Variants in CEP350 observed in about 807,000 individuals in gnomAD.
CEP350 encodes the protein centrosomal protein 350, also known as centrosome-associated protein 350.
A neutral mutation model predicts 331.8 loss-of-function variants in CEP350; 126 were observed. The ratio of observed to expected loss-of-function variants is 0.38; its 90% CI spans 0.33 to 0.44. CEP350 has a LOEUF of 0.44. Ranked by LOEUF, CEP350 falls within the 20% of genes least tolerant of loss-of-function variation. CEP350 has a pLI of 1.00. For synonymous variants in CEP350, 1,200 were observed against 1,259.5 expected, an observed-to-expected ratio of 0.95 and a Z score of 1.00; for missense variants, 3,406 against 3,634.6, an observed-to-expected ratio of 0.94 and a Z score of 1.62.
At chr1:179,964,246 A>G (rs1270628944) in intron 1 of CEP350, among the ~76,000 whole-genome samples, 1 of 152,060 alleles carries the variant, frequency 6.6e-6, no homozygotes, top group African/African-American at 2.4e-5. Context: ...GAACAGAGAT[A>G]ATTTGAGTTT....
At chr1:179,991,314 CTTTTTTTTTT>C (rs748309168) in intron 4 of CEP350, among the ~76,000 whole-genome samples, 1 of 109,396 alleles carries the variant, frequency 9.1e-6, no homozygotes, top group Non-Finnish European at 1.9e-5. Context: ...TCTTTCTTTT[CTTTTTTTTTT>C]TTTTTTTTTT....
At chr1:179,964,112 C>T (rs1339851973) in intron 1 of CEP350, among the ~76,000 whole-genome samples, 1 of 151,908 alleles carries the variant, frequency 6.6e-6, no homozygotes, top group African/African-American at 2.4e-5. Flanking sequence ...TGATTTGGTT[C>T]TCAGCTTGAA....
intron 17 of CEP350, among the ~76,000 whole-genome samples, 188 bp downstream of exon 17, chr1:180,037,277 A>G (rs1178221105): frequency 1.3e-5 from 2 of 152,216 alleles, no homozygotes; most frequent in Admixed American, 1.3e-4. Context: ...GCAGCAGAAC[A>G]ATAATAAAAT....
intron 29 of CEP350, 97 bp from the exon 30 acceptor site, chr1:180,080,420 G>T: frequency 9.4e-7 from 1 of 1,063,348 alleles, no homozygotes; most frequent in East Asian, 2.6e-5. Flanking sequence ...TAAATTCTTT[G>T]TAAATGTTAT....
At chr1:179,968,688 T>C (rs1651203021) in intron 1 of CEP350, 2 of 530,484 alleles carry the variant, frequency 3.8e-6, no homozygotes, top group Admixed American at 4.1e-5. Flanking sequence ...GAGGCCTTGA[T>C]GTCCTTAAGT....
intron 21 of CEP350, among the ~76,000 whole-genome samples, chr1:180,047,285 G>A (rs1433568472): frequency 6.6e-6 from 1 of 152,144 alleles, no homozygotes; most frequent in Non-Finnish European, 1.5e-5. Context: ...AAGCTTGGGG[G>A]AATATACGTT....
intron 37 of CEP350, among the ~76,000 whole-genome samples, chr1:180,100,188 A>C (rs1363514133): frequency 6.6e-6 from 1 of 152,188 alleles, no homozygotes; most frequent in African/African-American, 2.4e-5. Context: ...TTTGATCCTC[A>C]CAATAATTAC....
At chr1:180,035,967 G>A (rs889327259) in intron 16 of CEP350, among the ~76,000 whole-genome samples, 3 of 152,208 alleles carry the variant, frequency 2.0e-5, no homozygotes, top group African/African-American at 7.2e-5. Flanking sequence ...AGGATTCACT[G>A]TTCTAGATGC....
At chr1:179,997,453 G>A (rs1024802412) in intron 6 of CEP350, among the ~76,000 whole-genome samples, 3 of 150,528 alleles carry the variant, frequency 2.0e-5, no homozygotes, top group Non-Finnish European at 4.4e-5. Flanking sequence ...TGAGGCAGGA[G>A]AATGGTGTGA....
In CEP350 at chr1:180,095,729, C is replaced by G; in HGVS notation, c.8718C>G (p.Thr2906=). Residue 2906 remains threonine (T), a synonymous_variant, in exon 35 of 38, where the codon ACC becomes ACG. Transcript: ENST00000367607. ...TAATGGCAGAACCTAAAAGAGTAAC[C>G]CAACAACCATGTGAAACATTATTGG... ...VPLMAEPKRV[T]QQPCETLLAV... is the part of the protein sequence containing the mutation. 1.9e-6 allele frequency: 3 copies of G among 1,613,892 alleles called. No homozygotes were observed. The highest frequency in any genetic ancestry group is 2.5e-6 in the Non-Finnish European group (3 of 1,179,872).
At chr1:180,029,842 C>A in intron 14 of CEP350, among the ~76,000 whole-genome samples, 1 of 152,178 alleles carries the variant, frequency 6.6e-6, no homozygotes, top group Admixed American at 6.5e-5. Flanking sequence ...CTTCTCCCAG[C>A]ACCTAGTGAC....
chr1:180,107,116 C>G (rs1661188013), intron 37 of CEP350, among the ~76,000 whole-genome samples: 1 of 152,186 alleles, frequency 6.6e-6, no homozygotes, highest in East Asian at 1.9e-4. Flanking sequence ...TTTCAGCATT[C>G]ACAAAACTTA....
chr1:179,977,542 T>A (rs980010929), intron 1 of CEP350, among the ~76,000 whole-genome samples: 2 of 152,188 alleles, frequency 1.3e-5, no homozygotes, highest in South Asian at 4.1e-4. Flanking sequence ...GTTTATTATA[T>A]TATTTCTTAT....
intron 8 of CEP350, among the ~76,000 whole-genome samples, chr1:180,010,404 C>CTT (rs60408983): frequency 3.3e-5 from 4 of 119,798 alleles, no homozygotes; most frequent in South Asian, 2.6e-4. Flanking sequence ...CCCATGTTTG[C>CTT]TTTTTTTTTT....
chr1:180,062,442 G>T, intron 26 of CEP350, 76 bp downstream of exon 26: 1 of 1,430,090 alleles, frequency 7.0e-7, no homozygotes, highest in South Asian at 1.6e-5. Context: ...CATGTTCTAA[G>T]ATAATATTCA....
intron 14 of CEP350, among the ~76,000 whole-genome samples, chr1:180,028,811 A>G (rs1289794557): frequency 6.6e-6 from 1 of 152,148 alleles, no homozygotes; most frequent in African/African-American, 2.4e-5. Context: ...TCAAAAAAAA[A>G]GAAAAAATCA....
In CEP350 at chr1:180,043,212, G is replaced by A. The variant is rs1558122751; in HGVS notation, c.4499+20G>A. The A allele has an allele frequency of 2.5e-6, 4 of 1,594,252 alleles. No homozygotes were observed. Among genetic ancestry groups the A allele is most frequent in the Non-Finnish European group, 3.4e-6 (4 of 1,170,384 alleles). On this transcript the variant is annotated intron_variant, in intron 20 of 37. Transcript: ENST00000367607. ...AGATAGGTTAATATTCATTCAGTCA[G>A]CAAATATATAATGACTGTCTGTTAG...
chr1:179,999,795 A>G (rs901896110), intron 6 of CEP350, among the ~76,000 whole-genome samples: 1 of 152,126 alleles, frequency 6.6e-6, no homozygotes, highest in African/African-American at 2.4e-5. Flanking sequence ...CTCTTTTTAT[A>G]CAGTTATTAG....
intron 16 of CEP350, among the ~76,000 whole-genome samples, chr1:180,034,479 T>TC (rs1028589414): frequency 6.6e-6 from 1 of 151,356 alleles, no homozygotes; most frequent in African/African-American, 2.4e-5. Flanking sequence ...TTGTCTTTTT[T>TC]TTTTTTTCTT....
Sources: allele counts gnomAD v4.1 joint callset (sites outside exome capture counted in the v4.1 genomes callset), GRCh38; gene constraint gnomAD v4.1.1; transcripts MANE v1.5; gene names NCBI Gene and HGNC (gene_info 2026-07-23, HGNC 2026-07-21).